GSE1: variants seen among roughly 807,000 people sequenced by gnomAD.
The protein encoded by GSE1 is Gse1 coiled-coil protein, also known as genetic suppressor element 1.
Under a neutral mutation model 112.6 loss-of-function variants are expected in GSE1, and 32 were observed. The ratio of observed to expected loss-of-function variants is 0.28; its 90% CI spans 0.21 to 0.38. GSE1 has a LOEUF of 0.38. Among genes scored for constraint, GSE1 ranks in the 10% least tolerant of loss-of-function variants. The pLI, the probability that GSE1 is intolerant of heterozygous loss-of-function variation, is 1.00. For synonymous variants in GSE1, 1,115 were observed against 735.6 expected, an observed-to-expected ratio of 1.52 and a Z score of -8.35; for missense variants, 2,348 against 1,699.2, an observed-to-expected ratio of 1.38 and a Z score of -6.71.
chr16:85,625,439 C>A (rs1408330353), intron 1 of GSE1, among the ~76,000 whole-genome samples: 2 of 152,178 alleles, frequency 1.3e-5, no homozygotes, highest in East Asian at 3.9e-4. Context: ...TGTGCAGAGC[C>A]CCCCTGCTGT....
intron 1 of GSE1, among the ~76,000 whole-genome samples, chr16:85,305,466 G>T (rs1040324349): frequency 1.3e-4 from 19 of 151,006 alleles, no homozygotes; most frequent in African/African-American, 3.9e-4. Context: ...GTTTTTTGTT[G>T]TTTTTTTTTT....
At chr16:85,612,668 C>G (rs976748367), upstream of GSE1, among the ~76,000 whole-genome samples, 1 of 150,030 alleles carries the variant, frequency 6.7e-6, no homozygotes, top group African/African-American at 2.5e-5. Context: ...TAGTATTCAG[C>G]CTTTTCTAGT....
rs139208430 is a variant in GSE1 at position 85,238,409 on chromosome 16, G to A, written c.2283+66602G>A. 1.6e-3 allele frequency among the ~76,000 whole-genome samples: 238 copies of A among 152,322 alleles called. 3 individuals carry two copies. The highest frequency in any genetic ancestry group is 3.4e-3 in the Middle Eastern group (1 of 294). ...CCTCTGCCCCCCGCACCCCTGCAGC[G>A]GTAGCCTGGTGGGGGCTGGTGCTGC... On this transcript the variant is annotated intron_variant, in intron 1 of 2. Coordinates refer to the GSE1 transcript ENST00000637419.
chr16:85,435,782 C>T (rs576888529), intron 2 of GSE1, among the ~76,000 whole-genome samples: 1 of 152,274 alleles, frequency 6.6e-6, no homozygotes, highest in East Asian at 1.9e-4. Flanking sequence ...TCAATTTCCT[C>T]ATCTGTGCAA....
chr16:85,196,023 A>T (rs62048642), intron 1 of GSE1, among the ~76,000 whole-genome samples: 26,160 of 152,136 alleles, frequency 0.17, 2,362 homozygotes, highest in Non-Finnish European at 0.19. Context: ...GCAGCACCCG[A>T]TAACCAAACA....
At chr16:85,624,579 C>A (rs368011379) in intron 1 of GSE1, among the ~76,000 whole-genome samples, 3 of 152,228 alleles carry the variant, frequency 2.0e-5, no homozygotes, top group Admixed American at 2.0e-4. Context: ...CCAATCTCTT[C>A]GCACATTAAA....
At chr16:85,464,341 G>A (rs1026833133) in intron 2 of GSE1, among the ~76,000 whole-genome samples, 6 of 152,100 alleles carry the variant, frequency 3.9e-5, no homozygotes, top group African/African-American at 9.7e-5. Flanking sequence ...CTGGGGGGCC[G>A]GGGTGGGGGG....
At chr16:85,643,828 C>T (rs1460121720) in intron 2 of GSE1, among the ~76,000 whole-genome samples, 1 of 152,124 alleles carries the variant, frequency 6.6e-6, no homozygotes, top group Non-Finnish European at 1.5e-5. Context: ...GCCATTGGCC[C>T]CAACTTTTCC....
chr16:85,335,299 C>T (rs1022602608), intron 1 of GSE1, among the ~76,000 whole-genome samples: 4 of 152,262 alleles, frequency 2.6e-5, no homozygotes, highest in African/African-American at 9.6e-5. Context: ...GGTGGCACTG[C>T]TGAGGCCGGG....
intron 2 of GSE1, among the ~76,000 whole-genome samples, chr16:85,549,281 C>G (rs916424277): frequency 1.3e-5 from 2 of 151,698 alleles, no homozygotes; most frequent in Non-Finnish European, 2.9e-5. Context: ...CTCAAGAGAT[C>G]CTGCTGCCTC....
chr16:85,420,761 G>A (rs1394939370), intron 2 of GSE1, among the ~76,000 whole-genome samples: 3 of 152,198 alleles, frequency 2.0e-5, no homozygotes, highest in African/African-American at 7.2e-5. Context: ...AGGGCAGGTG[G>A]CTTCCTCTCG....
At chr16:85,574,961 G>A (rs566875054) in intron 1 of GSE1, among the ~76,000 whole-genome samples, 20 of 152,238 alleles carry the variant, frequency 1.3e-4, no homozygotes, top group Non-Finnish European at 2.1e-4. Flanking sequence ...GCACCCTCCC[G>A]ACAAGGCCGG....
intron 1 of GSE1, among the ~76,000 whole-genome samples, chr16:85,239,831 C>T (rs920753867): frequency 2.6e-5 from 4 of 152,228 alleles, no homozygotes; most frequent in South Asian, 4.1e-4. Context: ...TCCTGAAATC[C>T]GATACTGAAA....
chr16:85,323,865 G>A (rs1190439557), intron 1 of GSE1, among the ~76,000 whole-genome samples: 1 of 152,216 alleles, frequency 6.6e-6, no homozygotes. Flanking sequence ...TTGACACAGA[G>A]TGGCTGGTCA....
intron 1 of GSE1, among the ~76,000 whole-genome samples, chr16:85,235,428 C>CTGTGTGTGTGTGTG (rs60860144): frequency 1.1e-4 from 14 of 126,394 alleles, no homozygotes; most frequent in East Asian, 5.2e-4. Flanking sequence ...TGGAAGGGTA[C>CTGTGTGTGTGTGTG]TGTGTGTGTG....
intron 2 of GSE1, among the ~76,000 whole-genome samples, chr16:85,634,551 A>G (rs2049826036): frequency 6.6e-6 from 1 of 152,188 alleles, no homozygotes; most frequent in African/African-American, 2.4e-5. Context: ...GAAGTGGCAG[A>G]GAACATGGTG....
chr16:85,172,908 G>A (rs2074386122), intron 1 of GSE1, among the ~76,000 whole-genome samples: 1 of 152,174 alleles, frequency 6.6e-6, no homozygotes, highest in Admixed American at 6.5e-5. Context: ...GCCATGATTT[G>A]CCCACCTCTC....
At position 85,644,943 on chromosome 16, in the gene GSE1, T is replaced by C. The variant is rs938622912; in HGVS notation, c.227-3609T>C. Among the ~76,000 whole-genome samples, 8 of 151,854 alleles carry C rather than the reference T, an allele frequency of 5.3e-5. No homozygotes were observed. The South Asian group carries it at 1.7e-3, about 31-fold the overall frequency. On this transcript the variant is annotated intron_variant, in intron 2 of 15. Transcript: ENST00000253458. ...AGTGAACTTTTTCTCAAAATCTAAA[T>C]ACATACAGAAAAGCGCCTAGACTGC...
chr16:85,434,492 T>C (rs2049198065), intron 2 of GSE1, among the ~76,000 whole-genome samples: 1 of 151,966 alleles, frequency 6.6e-6, no homozygotes, highest in South Asian at 2.1e-4. Flanking sequence ...CACAAAGAGG[T>C]TGAGCTGTTT....
Sources: gnomAD v4.1 joint callset for allele counts (sites outside exome capture counted in the v4.1 genomes callset) on GRCh38, gnomAD v4.1.1 for gene constraint, MANE v1.5 for transcripts, NCBI Gene and HGNC (gene_info 2026-07-23, HGNC 2026-07-21) for gene names.